The following HLCS variants were observed in gnomAD, a reference collection of about 807,000 sequenced individuals.
The protein encoded by HLCS is biotin--protein ligase.
Under a neutral mutation model 75.0 loss-of-function variants are expected in HLCS, and 53 were observed. The ratio of observed to expected loss-of-function variants is 0.71; its 90% CI spans 0.57 to 0.89. HLCS has a LOEUF of 0.89. Among genes scored for constraint, HLCS ranks in the 40% least tolerant of loss-of-function variants. HLCS has a pLI of 0.00. For synonymous variants in HLCS, 431 were observed against 428.6 expected, an observed-to-expected ratio of 1.01 and a Z score of -0.07; for missense variants, 966 against 1,074.0, an observed-to-expected ratio of 0.90 and a Z score of 1.41.
At chr21:36,830,155 C>T (rs1026070739) in intron 6 of HLCS, among the ~76,000 whole-genome samples, 17 of 152,164 alleles carry the variant, frequency 1.1e-4, no homozygotes, top group African/African-American at 4.1e-4. Context: ...ACAGCCTCTA[C>T]AAGCCAGAGA....
At chr21:36,774,293 A>C (rs551889708) in intron 6 of HLCS, among the ~76,000 whole-genome samples, 111 of 152,252 alleles carry the variant, frequency 7.3e-4, no homozygotes, top group Non-Finnish European at 8.5e-4. Context: ...GTTCCCAAGG[A>C]ACTTTAGAAA....
intron 6 of HLCS, among the ~76,000 whole-genome samples, chr21:36,874,935 C>T (rs2063910844): frequency 6.6e-6 from 1 of 152,200 alleles, no homozygotes; most frequent in Non-Finnish European, 1.5e-5. Context: ...TGGCCTCTCC[C>T]CGCTCCCGGC....
chr21:36,780,476 C>T (rs2060493711), intron 6 of HLCS, among the ~76,000 whole-genome samples: 1 of 152,074 alleles, frequency 6.6e-6, no homozygotes, highest in African/African-American at 2.4e-5. Flanking sequence ...CCTCAGCCTC[C>T]CAAAGTGCTG....
intron 1 of HLCS, among the ~76,000 whole-genome samples, chr21:36,989,217 C>T (rs1026535074): frequency 6.6e-5 from 10 of 150,688 alleles, no homozygotes; most frequent in Admixed American, 4.0e-4. Flanking sequence ...GCCATGTTGG[C>T]CAGGCTGGTC....
At chr21:36,971,726 G>C (rs2068795186) in intron 1 of HLCS, 1 of 151,722 alleles carries the variant, frequency 6.6e-6, no homozygotes, top group South Asian at 2.1e-4. Flanking sequence ...CTACTCAGGA[G>C]GCTGAGCCAG....
In HLCS at chr21:36,756,579, T is replaced by C. The variant is rs755620019; in HGVS notation, c.2413A>G (p.Ser805Gly). 1 of 1,611,744 alleles carries C rather than the reference T, an allele frequency of 6.2e-7. No individual in the cohort carries two copies. Among genetic ancestry groups the C allele is most frequent in the African/African-American group, 1.3e-5 (1 of 74,806 alleles). The change falls in exon 10 of 11, where the codon AGC becomes GGC. Residue 805 changes from serine (S) to glycine (G), a missense_variant. By Grantham distance (56) the Ser-to-Gly change is moderately conservative. Transcript: ENST00000674895. ...IKEFQDKGPN[S>G]VLPLYYRYWV... ...TATCGGTAATAAAGGGGAAGGACGC[T>C]GTTGGGCCCTTTGTCCTGAAACTCT...
chr21:36,825,695 C>A (rs1489857557), intron 6 of HLCS, among the ~76,000 whole-genome samples: 1 of 152,194 alleles, frequency 6.6e-6, no homozygotes, highest in African/African-American at 2.4e-5. Flanking sequence ...ATCCTGATGT[C>A]ACCTGCAGGC....
At position 36,842,568 on chromosome 21, in the gene HLCS, C is replaced by T. The variant is rs1440288624; in HGVS notation, c.1892+54292G>A. On this transcript the variant is annotated intron_variant, in intron 6 of 10. Coordinates refer to ENST00000674895, the MANE Select transcript of HLCS (RefSeq NM_001352514.2). The surrounding 1 kb of genome is among the most constrained non-coding windows in gnomAD (Gnocchi z 4.2). ...CAGCCTGGCCAACAATGCAAAACCT[C>T]ATTTCTACTAAAAATACAAAAGAAG... 1.3e-5 allele frequency among the ~76,000 whole-genome samples: 2 copies of T among 152,018 alleles called. No individual in the cohort carries two copies. Among genetic ancestry groups the T allele is most frequent in the Non-Finnish European group, 2.9e-5 (2 of 67,992 alleles).
chr21:36,965,745 T>C (rs1348123773), intron 1 of HLCS, among the ~76,000 whole-genome samples: 7 of 151,320 alleles, frequency 4.6e-5, no homozygotes, highest in Non-Finnish European at 1.0e-4. Context: ...TTTTTTTTTT[T>C]TCTTAAGACA....
chr21:36,967,256 A>G (rs534166179), upstream of HLCS, among the ~76,000 whole-genome samples: 1 of 152,192 alleles, frequency 6.6e-6, no homozygotes, highest in African/African-American at 2.4e-5. Context: ...TTATTAAATT[A>G]TACTAAGCCT....
At chr21:36,815,670 T>C (rs1225660429) in intron 6 of HLCS, among the ~76,000 whole-genome samples, 1 of 152,200 alleles carries the variant, frequency 6.6e-6, no homozygotes, top group Non-Finnish European at 1.5e-5. Flanking sequence ...TTTCGGGACC[T>C]GGCCATGGTT....
intron 6 of HLCS, among the ~76,000 whole-genome samples, chr21:36,818,752 T>C (rs775122960): frequency 3.3e-4 from 50 of 152,222 alleles, no homozygotes; most frequent in Non-Finnish European, 6.0e-4. Context: ...TCTCTCATTG[T>C]ATTTTGCTTG....
intron 6 of HLCS, among the ~76,000 whole-genome samples, chr21:36,869,607 A>T (rs565150412): frequency 6.6e-6 from 1 of 152,382 alleles, no homozygotes; most frequent in African/African-American, 2.4e-5. Flanking sequence ...GACATGCTTA[A>T]GAAATTTCAT....
chr21:36,967,931 G>A (rs2068674413), upstream of HLCS, among the ~76,000 whole-genome samples: 1 of 152,166 alleles, frequency 6.6e-6, no homozygotes, highest in Non-Finnish European at 1.5e-5. Flanking sequence ...CGTTGGCCAG[G>A]GTGGTCTCGA....
At chr21:36,970,618 C>T (rs2146707928), upstream of HLCS, among the ~76,000 whole-genome samples, 2 of 152,252 alleles carry the variant, frequency 1.3e-5, no homozygotes, top group East Asian at 3.9e-4. Context: ...ATCTACCCGC[C>T]TCGGCCTCCC....
At chr21:36,913,838 G>A (rs1451521276) in intron 5 of HLCS, among the ~76,000 whole-genome samples, 1 of 152,168 alleles carries the variant, frequency 6.6e-6, no homozygotes, top group African/African-American at 2.4e-5. Context: ...GCTGTGAGAG[G>A]ACACTTTCAC....
intron 4 of HLCS, among the ~76,000 whole-genome samples, chr21:36,935,372 A>G (rs942915918): frequency 1.3e-5 from 2 of 152,212 alleles, no homozygotes; most frequent in Non-Finnish European, 2.9e-5. Flanking sequence ...AGAACAAGTG[A>G]GTCGGCTTTA....
chr21:36,898,446 C>CAAAAAAAAA (rs58625493), intron 5 of HLCS, among the ~76,000 whole-genome samples: 14 of 49,532 alleles, frequency 2.8e-4, no homozygotes, highest in African/African-American at 6.1e-4. Context: ...AACTCCATCT[C>CAAAAAAAAA]AAAAAAAAAA....
intron 1 of HLCS, among the ~76,000 whole-genome samples, chr21:36,966,047 A>T (rs968165753): frequency 1.3e-5 from 2 of 152,134 alleles, no homozygotes; most frequent in African/African-American, 4.8e-5. Context: ...GGCATAAGCC[A>T]CCGCTCCCGG....
Sources: gnomAD v4.1 joint callset for allele counts (sites outside exome capture counted in the v4.1 genomes callset) on GRCh38, gnomAD v4.1.1 for gene constraint, Gnocchi (gnomAD v3.1) non-coding constraint, MANE v1.5 for transcripts, NCBI Gene and HGNC (gene_info 2026-07-23, HGNC 2026-07-21) for gene names.